SEMA6D: variants seen among roughly 807,000 people sequenced by gnomAD.
SEMA6D encodes semaphorin-6D.
A neutral mutation model predicts 106.6 loss-of-function variants in SEMA6D; 35 were observed. The observed-to-expected ratio is 0.33, with a 90% CI of 0.25 to 0.44. The LOEUF (loss-of-function observed/expected upper bound fraction) is 0.44. Ranked by LOEUF, SEMA6D falls within the 20% of genes least tolerant of loss-of-function variation. The pLI, the probability that SEMA6D is intolerant of heterozygous loss-of-function variation, is 1.00. For missense variants in SEMA6D, 1,185 were observed against 1,345.9 expected (o/e 0.88, Z 1.87); for synonymous variants, 499 against 487.7 (o/e 1.02, Z -0.31).
intron 1 of SEMA6D, among the ~76,000 whole-genome samples, chr15:47,739,219 G>A (rs2146965742): frequency 6.6e-6 from 1 of 152,242 alleles, no homozygotes; most frequent in Non-Finnish European, 1.5e-5. Flanking sequence ...TTTATAAACT[G>A]CCATACAGAA....
chr15:47,522,866 G>A (rs1387800589), intron 3 of SEMA6D, among the ~76,000 whole-genome samples: 1 of 152,154 alleles, frequency 6.6e-6, no homozygotes, highest in Non-Finnish European at 1.5e-5. Flanking sequence ...GATATTTACA[G>A]GTTAAGGGAA....
intron 4 of SEMA6D, among the ~76,000 whole-genome samples, chr15:47,640,946 A>G (rs975749324): frequency 6.6e-6 from 1 of 152,132 alleles, no homozygotes; most frequent in Admixed American, 6.5e-5. Context: ...AAGAAACCTC[A>G]AAGTCCTTCA....
chr15:47,185,089 G>T (rs1458255748), intron 1 of SEMA6D, among the ~76,000 whole-genome samples: 2 of 152,176 alleles, frequency 1.3e-5, no homozygotes, highest in African/African-American at 2.4e-5. Flanking sequence ...GCGTTCTCTG[G>T]GTGGGTCCCT....
intron 3 of SEMA6D, among the ~76,000 whole-genome samples, chr15:47,493,151 A>G (rs2043526322): frequency 6.6e-6 from 1 of 152,188 alleles, no homozygotes. Flanking sequence ...AGGTCCCCAT[A>G]GGAGGTTCTC....
intron 3 of SEMA6D, among the ~76,000 whole-genome samples, chr15:47,520,289 G>C (rs2044529610): frequency 6.6e-6 from 1 of 152,202 alleles, no homozygotes. Flanking sequence ...AATTGTAAAG[G>C]AGTGCTATGG....
In SEMA6D at chr15:47,200,858, G is replaced by C. The variant is rs76587774; in HGVS notation, c.-239+16440G>C. On this transcript the variant is annotated intron_variant, in intron 1 of 19. Coordinates refer to the SEMA6D transcript ENST00000558014. ...CCAGCATTTGCTGGTTTCTATGCTT[G>C]ACAAAATCATTCTTCATTGATTTAG... 7.9e-5 allele frequency among the ~76,000 whole-genome samples: 12 copies of C among 152,304 alleles called. No individual in the cohort carries two copies. In the East Asian group the frequency reaches 2.1e-3, roughly 27 times the overall value.
chr15:47,342,314 C>T (rs572966820), intron 1 of SEMA6D, among the ~76,000 whole-genome samples: 1 of 152,216 alleles, frequency 6.6e-6, no homozygotes, highest in African/African-American at 2.4e-5. Context: ...CCACTAGATT[C>T]ATGAGTTGTT....
chr15:47,738,270 G>GT (rs2080573780), intron 1 of SEMA6D, among the ~76,000 whole-genome samples: 1 of 152,082 alleles, frequency 6.6e-6, no homozygotes, highest in Non-Finnish European at 1.5e-5. Flanking sequence ...CTGTTCCTGT[G>GT]TTAGTTTGCT....
chr15:47,571,201 C>T (rs369232047), intron 3 of SEMA6D, among the ~76,000 whole-genome samples: 2 of 152,038 alleles, frequency 1.3e-5, no homozygotes, highest in East Asian at 3.9e-4. Context: ...CTCTTCGGCC[C>T]ACTTGCTTAA....
chr15:47,586,477 G>A (rs1023435313), intron 3 of SEMA6D, among the ~76,000 whole-genome samples: 3 of 152,194 alleles, frequency 2.0e-5, no homozygotes, highest in South Asian at 2.1e-4. Context: ...TTTTTACAAA[G>A]CTATAACTTT....
intron 1 of SEMA6D, among the ~76,000 whole-genome samples, chr15:47,282,876 G>T (rs2035191935): frequency 6.6e-6 from 1 of 152,152 alleles, no homozygotes; most frequent in Non-Finnish European, 1.5e-5. Flanking sequence ...GGGCAGCAAA[G>T]TATGCTTTTT....
rs182386327 is a variant in SEMA6D, at chr15:47,240,756, T to G, written c.-239+56338T>G. 3.9e-5 allele frequency among the ~76,000 whole-genome samples: 6 copies of G among 152,334 alleles called. No homozygotes were observed. The East Asian group carries it at 1.2e-3, about 29-fold the overall frequency. Reference sequence around the variant, plus strand: ...TTTGAATCATGTACATAATGATTGGTATTTGCCAAAAATTCAAATTCATTG... The same window carrying G: ...TTTGAATCATGTACATAATGATTGGGATTTGCCAAAAATTCAAATTCATTG... On this transcript the variant is annotated intron_variant, in intron 1 of 19. Transcript: ENST00000558014.
chr15:47,594,568 G>A (rs938759921), intron 3 of SEMA6D, among the ~76,000 whole-genome samples: 7 of 152,134 alleles, frequency 4.6e-5, no homozygotes, highest in South Asian at 2.1e-4. Context: ...GACACTCACC[G>A]TTCCAGGACC....
At chr15:47,248,474 T>A (rs2033325497) in intron 1 of SEMA6D, among the ~76,000 whole-genome samples, 1 of 152,134 alleles carries the variant, frequency 6.6e-6, no homozygotes, top group Non-Finnish European at 1.5e-5. Flanking sequence ...GCACCACTGT[T>A]TATATGGACT....
intron 2 of SEMA6D, among the ~76,000 whole-genome samples, chr15:47,420,605 T>C (rs188111701): frequency 2.4e-4 from 36 of 152,196 alleles, no homozygotes; most frequent in African/African-American, 7.9e-4. Context: ...TGTCCTGATA[T>C]TCTGCCTTTG....
intron 2 of SEMA6D, among the ~76,000 whole-genome samples, chr15:47,456,951 T>C: frequency 6.6e-6 from 1 of 151,950 alleles, no homozygotes; most frequent in Admixed American, 6.6e-5. Context: ...CTCATCAGTA[T>C]GAGGGTGTGA....
chr15:47,310,608 C>T (rs894055295), intron 1 of SEMA6D, among the ~76,000 whole-genome samples: 8 of 151,900 alleles, frequency 5.3e-5, no homozygotes, highest in African/African-American at 1.9e-4. Flanking sequence ...ACTTAAGTAC[C>T]TTTTATATAG....
chr15:47,273,160 A>G (rs1288679222), intron 1 of SEMA6D, among the ~76,000 whole-genome samples: 1 of 151,976 alleles, frequency 6.6e-6, no homozygotes, highest in Non-Finnish European at 1.5e-5. Context: ...CTAAGGCAAG[A>G]TGTGCTCTTA....
chr15:47,209,536 A>G (rs1401249853), intron 1 of SEMA6D, among the ~76,000 whole-genome samples: 1 of 152,204 alleles, frequency 6.6e-6, no homozygotes, highest in Admixed American at 6.5e-5. Context: ...GGCAGATTGA[A>G]AAACTTTATA....
Sources: gnomAD v4.1 joint callset for allele counts (sites outside exome capture counted in the v4.1 genomes callset) on GRCh38, gnomAD v4.1.1 for gene constraint, MANE v1.5 for transcripts, NCBI Gene and HGNC (gene_info 2026-07-23, HGNC 2026-07-21) for gene names.